Variants in SPRY3 observed in about 807,000 individuals in gnomAD.
SPRY3 encodes protein sprouty homolog 3.
SPRY3 carries 15 observed loss-of-function variants against 20.2 expected under a neutral mutation model. That is an observed-to-expected ratio of 0.74 (90% CI 0.50 to 1.14). The LOEUF (loss-of-function observed/expected upper bound fraction) is 1.14. Ranked by LOEUF, SPRY3 falls within the 50% of genes most tolerant of loss-of-function variation. The pLI, the probability that SPRY3 is intolerant of heterozygous loss-of-function variation, is 0.00. For missense variants in SPRY3, 364 were observed against 363.9 expected (o/e 1.00, Z 0.00); for synonymous variants, 143 against 136.5 (o/e 1.05, Z -0.33).
At chrX:155,706,892 A>G (rs1426240868) in intron 2 of SPRY3, among the ~76,000 whole-genome samples, 1 of 151,094 alleles carries the variant, frequency 6.6e-6, no homozygotes, top group African/African-American at 2.4e-5. Flanking sequence ...TCATTGGTAC[A>G]TTCTCCCAAA....
At chrX:155,723,731 G>A (rs113671144) in intron 2 of SPRY3, among the ~76,000 whole-genome samples, 1 of 152,020 alleles carries the variant, frequency 6.6e-6, no homozygotes, top group Non-Finnish European at 1.5e-5. Flanking sequence ...CATTCTCTAG[G>A]TTGCCTGTTC....
intron 1 of SPRY3, among the ~76,000 whole-genome samples, chrX:155,656,432 G>A (rs1483096424): frequency 9.0e-6 from 1 of 110,817 alleles, no homozygotes; most frequent in Admixed American, 9.6e-5. Flanking sequence ...CTTGTGCTGT[G>A]TTTTTCAGCT....
In SPRY3 at chrX:155,771,180, G is replaced by A. The variant is rs761799943; in HGVS notation, c.-106-2586G>A. Among the ~76,000 whole-genome samples the A allele has an allele frequency of 3.3e-5, 5 of 152,134 alleles. No individual in the cohort carries two copies. In the South Asian group the frequency reaches 1.0e-3, roughly 32 times the overall value. ...TCAATTTATCAGTCTTGCAGAAATC[G>A]AATCAATATTGAAATACAGCTTTTC... On this transcript the variant is annotated intron_variant, in intron 3 of 3. Transcript: ENST00000675360.
intron 2 of SPRY3, among the ~76,000 whole-genome samples, chrX:155,723,904 T>G (rs910300749): frequency 9.2e-5 from 14 of 152,226 alleles, no homozygotes; most frequent in Non-Finnish European, 1.8e-4. Context: ...TTCCAGGGTT[T>G]TTAATGGTTT....
At chrX:155,710,498 G>A (rs2046185610) in intron 2 of SPRY3, among the ~76,000 whole-genome samples, 1 of 151,412 alleles carries the variant, frequency 6.6e-6, no homozygotes, top group African/African-American at 2.4e-5. Context: ...ATTGAGTTTT[G>A]TATGTTGATT....
intron 2 of SPRY3, among the ~76,000 whole-genome samples, chrX:155,661,980 T>C (rs2068011297): frequency 1.8e-5 from 2 of 112,474 alleles, no homozygotes; most frequent in South Asian, 7.2e-4. Context: ...TTTTCAACTT[T>C]CTCTTGATTT....
At chrX:155,727,978 G>T (rs768432113) in intron 2 of SPRY3, among the ~76,000 whole-genome samples, 1 of 152,196 alleles carries the variant, frequency 6.6e-6, no homozygotes, top group African/African-American at 2.4e-5. Context: ...ATGGGGTTTT[G>T]GTGTGGATGT....
chrX:155,767,816 G>C (rs1310621466), intron 2 of SPRY3, 146 bp from the exon 2 acceptor site: 1 of 151,310 alleles, frequency 6.6e-6, no homozygotes, highest in Non-Finnish European at 1.5e-5. Flanking sequence ...GCTTTCTTTG[G>C]GAAATACGTC....
At chrX:155,707,011 TTTC>T (rs1164328857) in intron 2 of SPRY3, among the ~76,000 whole-genome samples, 1 of 151,142 alleles carries the variant, frequency 6.6e-6, no homozygotes, top group Non-Finnish European at 1.5e-5. Flanking sequence ...TCTGATTTTA[TTTC>T]TTTTCTTTCC....
chrX:155,628,694 T>C (rs148158282), intron 1 of SPRY3, among the ~76,000 whole-genome samples: 238 of 112,274 alleles, frequency 2.1e-3, no homozygotes, highest in Non-Finnish European at 3.7e-3. Flanking sequence ...AAGGCTTTTT[T>C]AAATTTTTTG....
At chrX:155,760,443 A>C (rs2091299617) in intron 2 of SPRY3, among the ~76,000 whole-genome samples, 1 of 152,176 alleles carries the variant, frequency 6.6e-6, no homozygotes, top group Non-Finnish European at 1.5e-5. Flanking sequence ...AGGGGGACTC[A>C]GTTGGCAGAT....
At chrX:155,766,484 C>G (rs2091330928) in intron 2 of SPRY3, among the ~76,000 whole-genome samples, 2 of 152,140 alleles carry the variant, frequency 1.3e-5, no homozygotes, top group African/African-American at 2.4e-5. Context: ...TGAACTGTCA[C>G]CATTTACCAT....
chrX:155,727,808 G>A lies in SPRY3; in HGVS notation c.-281-40154G>A, dbSNP rs1156761652. 3.3e-5 allele frequency among the ~76,000 whole-genome samples: 5 copies of A among 152,050 alleles called. 1 individual carries two copies. The highest frequency in any genetic ancestry group is 5.9e-5 in the Non-Finnish European group (4 of 68,012). On this transcript the variant is annotated intron_variant, in intron 2 of 3. Coordinates refer to ENST00000675360, the Ensembl canonical transcript of SPRY3. ...TTCTGAAGCCTACTTCTGTCAACTC[G>A]TCAAAGTCTTTTTCCGTCCAGCTTT...
chrX:155,764,205 T>C (rs1182692057), intron 2 of SPRY3, among the ~76,000 whole-genome samples: 5 of 152,200 alleles, frequency 3.3e-5, no homozygotes, highest in Non-Finnish European at 7.3e-5. Flanking sequence ...TGTTCACTAC[T>C]AGGCCCAATG....
chrX:155,753,764 CTG>C (rs1429914698), intron 2 of SPRY3, among the ~76,000 whole-genome samples: 1 of 151,870 alleles, frequency 6.6e-6, no homozygotes, highest in African/African-American at 2.4e-5. Flanking sequence ...GTGTGATTGT[CTG>C]TTGTTTTGAT....
At chrX:155,699,837 A>C (rs1198663852) in intron 2 of SPRY3, among the ~76,000 whole-genome samples, 1 of 110,453 alleles carries the variant, frequency 9.1e-6, no homozygotes, top group Non-Finnish European at 1.9e-5. Flanking sequence ...TAATCAGAAC[A>C]ACAGAGGCCA....
chrX:155,766,790 C>G (rs892182545), intron 2 of SPRY3, among the ~76,000 whole-genome samples: 1 of 152,148 alleles, frequency 6.6e-6, no homozygotes, highest in African/African-American at 2.4e-5. Context: ...TCCACAACAC[C>G]TAGCACAAAG....
At chrX:155,730,465 A>G (rs1430628304) in intron 2 of SPRY3, among the ~76,000 whole-genome samples, 1 of 152,178 alleles carries the variant, frequency 6.6e-6, no homozygotes, top group Non-Finnish European at 1.5e-5. Flanking sequence ...ATGCTGAAAA[A>G]GCATTTGATA....
At chrX:155,699,775 CAGATCATATACCTA>C (rs2068130113) in intron 2 of SPRY3, among the ~76,000 whole-genome samples, 2 of 110,416 alleles carry the variant, frequency 1.8e-5, no homozygotes, top group Non-Finnish European at 3.8e-5. Flanking sequence ...GAAAACCTAT[CAGATCATATACCTA>C]AGATGCAAGA....
Sources: gnomAD v4.1 joint callset for allele counts (sites outside exome capture counted in the v4.1 genomes callset) on GRCh38, gnomAD v4.1.1 for gene constraint, MANE v1.5 for transcripts, NCBI Gene and HGNC (gene_info 2026-07-23, HGNC 2026-07-21) for gene names.